The following ABCC6 variants were observed in gnomAD, a reference collection of about 807,000 sequenced individuals.
ABCC6 encodes ATP binding cassette subfamily C member 6.
A neutral mutation model predicts 169.5 loss-of-function variants in ABCC6; 126 were observed. The ratio of observed to expected loss-of-function variants is 0.74; its 90% CI spans 0.64 to 0.86. The LOEUF (loss-of-function observed/expected upper bound fraction) is 0.86, where lower values mean the gene tolerates loss of function less well. ABCC6 is among the 40% of genes least tolerant of loss of function. The pLI is 0.00. For missense variants in ABCC6, 1,733 were observed against 1,927.2 expected, an observed-to-expected ratio of 0.90 and a Z score of 1.89; for synonymous variants, 752 against 814.7, an observed-to-expected ratio of 0.92 and a Z score of 1.31.
rs115379860 is a variant in ABCC6, at chr16:16,175,949, G to T, written c.2628C>A (p.Gly876=). Residue 876 remains glycine, a synonymous_variant, in exon 20 of 31, where the codon GGC becomes GGA. Coordinates refer to ENST00000205557, the MANE Select transcript of ABCC6 (RefSeq NM_001171.6). The stretch of plus-strand genomic sequence containing the variant: ...GCTCGGGCCTCCTGCCTGCAGAGGT[G>T]CCTCTGGGGTCCTTGGTGCTGGTCC... The part of the protein sequence containing the change: ...EPGTSTKDPR[G]TSAGRRPELR... 1,261 of 1,614,142 alleles carry T rather than the reference G, an allele frequency of 7.8e-4. 3 individuals carry two copies. The highest frequency in any genetic ancestry group is 9.2e-4 in the Non-Finnish European group (1,082 of 1,180,022).
chr16:16,154,813 G>A lies in ABCC6; in HGVS notation c.4042-19C>T. The A allele has an allele frequency of 6.2e-7, 1 of 1,608,842 alleles. No homozygotes were observed. The highest frequency in any genetic ancestry group is 8.5e-7 in the Non-Finnish European group (1 of 1,177,862). On this transcript the variant is annotated intron_variant, in intron 28 of 30. Transcript: ENST00000205557. ...TGGGGTCCTGGCGGGGAGGGGCGGT[G>A]GGTCAGAGCCGGGTCCCACCATGCC... is the stretch of plus-strand genomic sequence containing the variant.
At chr16:16,209,628 G>A (rs1472323551) in intron 6 of ABCC6, among the ~76,000 whole-genome samples, 4 of 151,268 alleles carry the variant, frequency 2.6e-5, no homozygotes, top group Admixed American at 1.3e-4. Context: ...TTTTGAGATG[G>A]AGTCTCACTC....
At chr16:16,183,722 T>C (rs1409566477) in intron 15 of ABCC6, among the ~76,000 whole-genome samples, 1 of 152,010 alleles carries the variant, frequency 6.6e-6, no homozygotes, top group Non-Finnish European at 1.5e-5. Flanking sequence ...TCACAACCAG[T>C]AGGGGGTGCT....
chr16:16,161,554 C>T lies in ABCC6; in HGVS notation c.3517G>A (p.Ala1173Thr), dbSNP rs1047104008. The T allele has an allele frequency of 1.1e-5, 17 of 1,613,818 alleles. No individual in the cohort carries two copies. Among genetic ancestry groups the T allele is most frequent in the East Asian group, 4.5e-5 (2 of 44,886 alleles). Residue 1173 changes from alanine (A) to threonine (T), a missense_variant, in exon 25 of 31, where the codon GCC becomes ACC. By Grantham distance (58) the Ala-to-Thr change is moderately conservative (BLOSUM62 0). This residue lies in a region of ABCC6 where 1,601 missense variants were observed against 1,635.5 expected (regional missense o/e 0.98). Coordinates refer to ENST00000205557, the MANE Select transcript of ABCC6 (RefSeq NM_001171.6). ...PRLVADRWLAANVELLGNGLV... is the reference protein window; with the variant it reads ...PRLVADRWLATNVELLGNGLV... ...CCATTCCCCAGGAGCTCCACATTGG[C>T]CGCAAGCCACCTGCAAAGGGAAGCG...
Position 16,163,664 on chromosome 16 carries a change from G to T in ABCC6, c.3307-472C>A, listed in dbSNP as rs145320510. 7.5e-3 allele frequency among the ~76,000 whole-genome samples: 1,139 copies of T among 152,224 alleles called. 19 individuals carry two copies. The highest frequency in any genetic ancestry group is 0.025 in the African/African-American group (1,031 of 41,536). Reference sequence around the variant, plus strand: ...GTCAGTTTCACTCATGTAACCCAAGGGTTACATGCCAGGTGATGTGCAGAA... The same window carrying T: ...GTCAGTTTCACTCATGTAACCCAAGTGTTACATGCCAGGTGATGTGCAGAA... On this transcript the variant is annotated intron_variant, in intron 23 of 30. Transcript: ENST00000205557.
At chr16:16,181,950 C>T (rs906431402) in intron 17 of ABCC6, 1 of 234,392 alleles carries the variant, frequency 4.3e-6, no homozygotes, top group Non-Finnish European at 8.4e-6. Context: ...AAACAAAAAA[C>T]AAAACCACAA....
At chr16:16,198,523 A>G (rs1257518266) in intron 9 of ABCC6, among the ~76,000 whole-genome samples, 2 of 152,084 alleles carry the variant, frequency 1.3e-5, no homozygotes, top group Admixed American at 6.6e-5. Context: ...ACAGCCATGA[A>G]TGGTACCAAG....
chr16:16,209,690 G>C (rs1267323201), intron 6 of ABCC6, among the ~76,000 whole-genome samples: 1 of 151,108 alleles, frequency 6.6e-6, no homozygotes, highest in East Asian at 2.0e-4. Flanking sequence ...TGCAACCTCC[G>C]CCTCCCTGGC....
At position 16,149,821 on chromosome 16, in the gene ABCC6, G is replaced by C. The variant is rs1031312885; in HGVS notation, c.*312C>G. On this transcript the variant is annotated 3_prime_UTR_variant, in exon 31 of 31. Transcript: ENST00000205557. The stretch of plus-strand genomic sequence containing the variant: ...GATTCTGATTTAAGGGTCTAGCCGG[G>C]AGCCTGGGCATGTGCTTGAGGCCCC... 4.6e-4 allele frequency: 230 copies of C among 500,540 alleles called. No homozygotes were observed. Among genetic ancestry groups the C allele is most frequent in the Middle Eastern group, 5.5e-4 (1 of 1,816 alleles). The allele number at this position is 500,540 out of a possible 1,614,324, so 31.0% of individuals were successfully genotyped here. A position where few individuals can be genotyped will look rare whatever the true frequency, so the allele number is the denominator to read the frequency against.
intron 21 of ABCC6, among the ~76,000 whole-genome samples, chr16:16,172,853 G>A (rs1281876519): frequency 6.6e-6 from 1 of 151,874 alleles, no homozygotes; most frequent in African/African-American, 2.4e-5. Context: ...GACCAACCTG[G>A]GCAACATGGC....
intron 7 of ABCC6, among the ~76,000 whole-genome samples, chr16:16,206,924 G>A (rs899239840): frequency 1.2e-4 from 19 of 152,142 alleles, no homozygotes; most frequent in African/African-American, 3.9e-4. Flanking sequence ...ATCCCCTGAG[G>A]TCAGGAGTTC....
At chr16:16,220,268 CTCACCAG>C (rs1262894000) in intron 2 of ABCC6, 1 of 341,622 alleles carries the variant, frequency 2.9e-6, no homozygotes, top group Non-Finnish European at 5.7e-6. Flanking sequence ...ATGAAATGTA[CTCACCAG>C]GTAAAAAACT....
chr16:16,170,097 TG>T (rs1374323622), intron 21 of ABCC6, among the ~76,000 whole-genome samples: 2 of 109,392 alleles, frequency 1.8e-5, no homozygotes, highest in Admixed American at 9.2e-5. Context: ...TTTTTTCTTT[TG>T]TTTTTTTTTT....
At position 16,152,906 on chromosome 16, in the gene ABCC6, G is replaced by GTT. The variant is rs150942309; in HGVS notation, c.4208+1720_4208+1721dup. Among the ~76,000 whole-genome samples, 153 of 150,698 alleles carry GTT rather than the reference G, an allele frequency of 1.0e-3. 1 individual carries two copies. The highest frequency in any genetic ancestry group is 3.2e-3 in the African/African-American group (132 of 41,044). On this transcript the variant is annotated intron_variant, in intron 29 of 30. Coordinates refer to ENST00000205557, the MANE Select transcript of ABCC6 (RefSeq NM_001171.6). ...TCCAGAACACCTTAGGTTTTTTTTT[G>GTT]TTTTTTTTGAGACGGAGTCTTACTC...
chr16:16,205,245 G>A (rs1352464484), intron 7 of ABCC6, among the ~76,000 whole-genome samples: 1 of 152,152 alleles, frequency 6.6e-6, no homozygotes, highest in Non-Finnish European at 1.5e-5. Flanking sequence ...CCCTTGCCAG[G>A]TGAGCATTAT....
chr16:16,222,463 A>C lies in ABCC6; in HGVS notation c.37-632T>G, dbSNP rs569709213. Reference sequence around the variant, plus strand: ...ACAATCAAAGCTCAACAAAGCTTCGAATTTCCTGGGCTCAAGCAATCCTCC... The same window carrying C: ...ACAATCAAAGCTCAACAAAGCTTCGCATTTCCTGGGCTCAAGCAATCCTCC... On this transcript the variant is annotated intron_variant, in intron 1 of 30. Coordinates refer to ENST00000205557, the MANE Select transcript of ABCC6 (RefSeq NM_001171.6). Among the ~76,000 whole-genome samples, 387 of 152,154 alleles carry C rather than the reference A, an allele frequency of 2.5e-3. 5 individuals are homozygous for C. Among genetic ancestry groups the C allele is most frequent in the Non-Finnish European group, 2.1e-3 (142 of 67,994 alleles).
intron 10 of ABCC6, among the ~76,000 whole-genome samples, chr16:16,195,035 G>A (rs896130475): frequency 1.3e-5 from 2 of 152,116 alleles, no homozygotes; most frequent in African/African-American, 2.4e-5. Flanking sequence ...CGGCAATGGC[G>A]CTACCTAGTG....
intron 14 of ABCC6, 73 bp downstream of exon 14, chr16:16,187,051 T>A: frequency 1.5e-6 from 2 of 1,338,554 alleles, no homozygotes; most frequent in Non-Finnish European, 2.1e-6. Context: ...GATGCTGGCT[T>A]GCCATTATGG....
chr16:16,163,943 C>T lies in ABCC6; in HGVS notation c.3307-751G>A, dbSNP rs564344038. On this transcript the variant is annotated intron_variant, in intron 23 of 30. Coordinates refer to ENST00000205557, the MANE Select transcript of ABCC6 (RefSeq NM_001171.6). ...GATTTAAACCCATCTTTGCTTGACT[C>T]TAAAGCTTGAGACAGAAACAGCCCA... Among the ~76,000 whole-genome samples, 5 of 152,224 alleles carry T rather than the reference C, an allele frequency of 3.3e-5. No individual in the cohort carries two copies. The South Asian group carries it at 1.0e-3, about 32-fold the overall frequency.
Sources: gnomAD v4.1 joint callset for allele counts (sites outside exome capture counted in the v4.1 genomes callset) on GRCh38, gnomAD v4.1.1 for gene constraint, gnomAD v4.1.1 regional missense constraint, MANE v1.5 for transcripts, NCBI Gene and HGNC (gene_info 2026-07-23, HGNC 2026-07-21) for gene names.